Variants in ARHGAP6 observed in about 807,000 individuals in gnomAD.
ARHGAP6 encodes the protein Rho GTPase activating protein 6.
In ARHGAP6, 16 loss-of-function variants were observed where a neutral mutation model predicts 55.7. The observed-to-expected ratio is 0.29, with a 90% CI of 0.19 to 0.44. The LOEUF is 0.44. ARHGAP6 is among the 20% of genes least tolerant of loss of function. The pLI is 1.00. For missense variants in ARHGAP6, 698 were observed against 808.9 expected (o/e 0.86, Z 1.66); for synonymous variants, 382 against 360.9 (o/e 1.06, Z -0.66).
chrX:11,174,574 CT>C (rs1413040586), intron 8 of ARHGAP6, among the ~76,000 whole-genome samples: 17 of 43,561 alleles, frequency 3.9e-4, no homozygotes, highest in East Asian at 2.2e-3. Flanking sequence ...TCCTTCCTTC[CT>C]TTCTTTCTTT....
intron 1 of ARHGAP6, among the ~76,000 whole-genome samples, chrX:11,499,118 G>T (rs957211898): frequency 6.2e-5 from 7 of 112,028 alleles, no homozygotes; most frequent in African/African-American, 2.3e-4. Context: ...TGTTTCTGTT[G>T]TAATATTTTC....
chrX:11,211,824 C>T (rs772102541), intron 2 of ARHGAP6, among the ~76,000 whole-genome samples: 19 of 112,044 alleles, frequency 1.7e-4, no homozygotes, highest in Middle Eastern at 4.6e-3. Context: ...TACAGGTGTG[C>T]GCCACCTCGC....
chrX:11,288,895 G>A (rs968260424), intron 1 of ARHGAP6, among the ~76,000 whole-genome samples: 11 of 112,173 alleles, frequency 9.8e-5, no homozygotes, highest in Admixed American at 4.7e-4. Context: ...TGTCTCCACT[G>A]AACCTCAGCA....
intron 1 of ARHGAP6, among the ~76,000 whole-genome samples, chrX:11,523,010 G>A (rs186598189): frequency 1.8e-5 from 2 of 111,619 alleles, no homozygotes; most frequent in Non-Finnish European, 3.8e-5. Flanking sequence ...ACAGAATCCA[G>A]CAGCACATCA....
intron 1 of ARHGAP6, among the ~76,000 whole-genome samples, chrX:11,525,712 T>C (rs1172618379): frequency 8.9e-6 from 1 of 111,891 alleles, no homozygotes; most frequent in Non-Finnish European, 1.9e-5. Flanking sequence ...ATGCTAGGAG[T>C]GGAGCACTGA....
At chrX:11,384,807 G>T (rs1356656903) in intron 1 of ARHGAP6, among the ~76,000 whole-genome samples, 1 of 111,486 alleles carries the variant, frequency 9.0e-6, no homozygotes, top group Non-Finnish European at 1.9e-5. Context: ...CCATTCTAGT[G>T]GGGGTGGAGA....
intron 2 of ARHGAP6, among the ~76,000 whole-genome samples, chrX:11,205,245 C>T (rs1281859408): frequency 9.0e-6 from 1 of 111,369 alleles, no homozygotes; most frequent in Non-Finnish European, 1.9e-5. Flanking sequence ...AGGTTGCTCA[C>T]CCTAGCACTG....
intron 1 of ARHGAP6, among the ~76,000 whole-genome samples, chrX:11,658,554 C>A (rs1391061571): frequency 9.1e-6 from 1 of 109,867 alleles, no homozygotes; most frequent in Admixed American, 9.8e-5. Flanking sequence ...TTTTTCTCTG[C>A]TGCATTTTAA....
intron 1 of ARHGAP6, among the ~76,000 whole-genome samples, chrX:11,400,230 T>C (rs1473849975): frequency 9.0e-6 from 1 of 111,555 alleles, no homozygotes. Context: ...GTATGTGAAC[T>C]AGACCTCAAT....
rs781711555 is a variant in ARHGAP6 at position 11,396,346 on chromosome X, C to T, written c.589-141639G>A. Among the ~76,000 whole-genome samples, 3 of 110,425 alleles carry T rather than the reference C, an allele frequency of 2.7e-5. No individual in the cohort carries two copies. In the South Asian group the frequency reaches 1.2e-3, roughly 43 times the overall value. Reference sequence around the variant, plus strand: ...GCAGCCATATTACTCACCCAGCATGCCTGGTGTTTCCTAAATCCCTTTTCA... The same window carrying T: ...GCAGCCATATTACTCACCCAGCATGTCTGGTGTTTCCTAAATCCCTTTTCA... On this transcript the variant is annotated intron_variant, in intron 1 of 12. Coordinates refer to ENST00000337414, the MANE Select transcript of ARHGAP6 (RefSeq NM_013427.3).
At chrX:11,391,815 C>T (rs941399907) in intron 1 of ARHGAP6, among the ~76,000 whole-genome samples, 2 of 112,225 alleles carry the variant, frequency 1.8e-5, no homozygotes, top group Non-Finnish European at 3.8e-5. Flanking sequence ...TAGGGATCTT[C>T]GTAAAATGCA....
intron 9 of ARHGAP6, among the ~76,000 whole-genome samples, chrX:11,164,553 G>A (rs763623615): frequency 7.2e-5 from 8 of 111,466 alleles, no homozygotes; most frequent in South Asian, 7.7e-4. Context: ...ACAAAGCAAA[G>A]CTTGGCTTCT....
chrX:11,289,390 T>G (rs1196568628), intron 1 of ARHGAP6, among the ~76,000 whole-genome samples: 1 of 111,454 alleles, frequency 9.0e-6, no homozygotes, highest in Admixed American at 9.6e-5. Flanking sequence ...CTGCATTTGT[T>G]GCATTCACAG....
chrX:11,664,574 A>T lies in ARHGAP6; in HGVS notation c.255T>A (p.Gly85=), dbSNP rs1403316331. 8.5e-7 allele frequency: 1 copy of T among 1,183,285 alleles called. No homozygotes were observed. The highest frequency in any genetic ancestry group is 1.8e-5 in the African/African-American group (1 of 56,760). The stretch of plus-strand genomic sequence containing the variant: ...GTAGCCTGGTGGCCCTGGGGGGCGG[A>T]CCCCGGGAAGAGGACGCCAAGCGAG... ...LGPRLASSSR[G]PPPRATRLPP... The change falls in exon 1 of 13, where the codon GGT becomes GGA. Residue 85 remains glycine, a synonymous_variant. Coordinates refer to ENST00000337414, the MANE Select transcript of ARHGAP6 (RefSeq NM_013427.3).
intron 1 of ARHGAP6, among the ~76,000 whole-genome samples, chrX:11,303,216 T>C (rs1236219644): frequency 2.7e-5 from 3 of 112,622 alleles, no homozygotes; most frequent in Admixed American, 9.4e-5. Flanking sequence ...TAGTTGGAGT[T>C]TTTACTTATT....
At chrX:11,570,471 T>C (rs1224498249) in intron 1 of ARHGAP6, among the ~76,000 whole-genome samples, 2 of 111,511 alleles carry the variant, frequency 1.8e-5, no homozygotes, top group African/African-American at 6.5e-5. Flanking sequence ...ATGATAATGA[T>C]AGTAGTGGGG....
At chrX:11,186,527 CTT>C in intron 4 of ARHGAP6, 96 bp from the exon 5 acceptor site, 3 of 548,561 alleles carry the variant, frequency 5.5e-6, no homozygotes, top group Non-Finnish European at 8.8e-6. Context: ...GCTCATGACT[CTT>C]TATCACACTT....
chrX:11,546,057 C>T (rs1390232380), intron 1 of ARHGAP6, among the ~76,000 whole-genome samples: 1 of 110,406 alleles, frequency 9.1e-6, no homozygotes, highest in Admixed American at 9.8e-5. Context: ...TGAGCCTTCT[C>T]CTACTGGGAA....
At chrX:11,231,861 T>C (rs1417247721) in intron 2 of ARHGAP6, among the ~76,000 whole-genome samples, 1 of 112,315 alleles carries the variant, frequency 8.9e-6, no homozygotes, top group Non-Finnish European at 1.9e-5. Context: ...TGATGGTATC[T>C]GTGTCAGAGG....
Sources: gnomAD v4.1 joint callset for allele counts (sites outside exome capture counted in the v4.1 genomes callset) on GRCh38, gnomAD v4.1.1 for gene constraint, MANE v1.5 for transcripts, NCBI Gene and HGNC (gene_info 2026-07-23, HGNC 2026-07-21) for gene names.